Variants in SPNS2 observed in about 807,000 individuals in gnomAD.
The protein encoded by SPNS2 is SPNS lysolipid transporter 2, sphingosine-1-phosphate.
Under a neutral mutation model 57.6 loss-of-function variants are expected in SPNS2, and 37 were observed. That is an observed-to-expected ratio of 0.64 (90% CI 0.49 to 0.85). The LOEUF (loss-of-function observed/expected upper bound fraction) is 0.85, where lower values mean the gene tolerates loss of function less well. Ranked by LOEUF, SPNS2 falls within the 40% of genes least tolerant of loss-of-function variation. The pLI is 0.00. For missense variants in SPNS2, 831 were observed against 779.1 expected, an observed-to-expected ratio of 1.07 and a Z score of -0.79; for synonymous variants, 440 against 346.9, an observed-to-expected ratio of 1.27 and a Z score of -2.98.
chr17:4,500,136 G>A (rs1419796420), intron 1 of SPNS2, among the ~76,000 whole-genome samples: 1 of 152,212 alleles, frequency 6.6e-6, no homozygotes, highest in African/African-American at 2.4e-5. Context: ...GGCCTCTGGA[G>A]CTAGAGACGT....
intron 5 of SPNS2, among the ~76,000 whole-genome samples, chr17:4,532,057 A>G (rs892096177): frequency 6.6e-6 from 1 of 152,022 alleles, no homozygotes; most frequent in Non-Finnish European, 1.5e-5. Context: ...TCCTCCCTCA[A>G]AGTCATCATC....
chr17:4,513,061 A>G (rs1375498841), intron 1 of SPNS2, among the ~76,000 whole-genome samples, 186 bp from the exon 2 acceptor site: 1 of 152,184 alleles, frequency 6.6e-6, no homozygotes, highest in Non-Finnish European at 1.5e-5. Context: ...CAGGCTGAGG[A>G]CAGGAGGTCC....
intron 12 of SPNS2, 114 bp downstream of exon 12, chr17:4,537,060 C>A: frequency 8.9e-7 from 1 of 1,127,988 alleles, no homozygotes; most frequent in Non-Finnish European, 1.3e-6. Flanking sequence ...CACATCCCAC[C>A]AACTCTGGGC....
intron 2 of SPNS2, among the ~76,000 whole-genome samples, chr17:4,517,740 T>C (rs1333176457): frequency 1.3e-5 from 2 of 152,210 alleles, no homozygotes; most frequent in African/African-American, 4.8e-5. Context: ...GAAAACAGAT[T>C]CGTCACAAAG....
In SPNS2 at chr17:4,532,997, C is replaced by T; in HGVS notation, c.956C>T (p.Ser319Phe). The T allele has an allele frequency of 6.2e-7, 1 of 1,612,962 alleles. No individual in the cohort carries two copies. Among genetic ancestry groups the T allele is most frequent in the Non-Finnish European group, 8.5e-7 (1 of 1,179,778 alleles). ...LIRNRSYVFS[S>F]LATSAVSFAT... ...CCCAGCCGCAGCTACGTCTTCTCCT[C>T]CCTGGCCACGTCGGCTGTCTCCTTC... Residue 319 changes from serine to phenylalanine, a missense_variant, in exon 7 of 13, where the codon TCC becomes TTC. Ser to Phe is a radical substitution (Grantham distance 155). This residue lies in a region of SPNS2 where 526 missense variants were observed against 400.9 expected (regional missense o/e 1.31). Coordinates refer to ENST00000329078, the MANE Select transcript of SPNS2 (RefSeq NM_001124758.3).
intron 2 of SPNS2, among the ~76,000 whole-genome samples, chr17:4,521,975 G>A (rs1303518591): frequency 1.3e-5 from 2 of 152,122 alleles, no homozygotes; most frequent in Non-Finnish European, 2.9e-5. Flanking sequence ...GAGGCAGGAG[G>A]ATCACCTGAG....
At position 4,536,260 on chromosome 17, in the gene SPNS2, C is replaced by T. The variant is rs370041053; in HGVS notation, c.1444-3C>T. 3 of 1,611,290 alleles carry T rather than the reference C, an allele frequency of 1.9e-6. No individual in the cohort carries two copies. Among genetic ancestry groups the T allele is most frequent in the African/African-American group, 1.3e-5 (1 of 74,864 alleles). On this transcript the variant is annotated splice_region_variant and splice_polypyrimidine_tract_variant and intron_variant, in intron 10 of 12. Coordinates refer to ENST00000329078, the MANE Select transcript of SPNS2 (RefSeq NM_001124758.3). ...CCTGACATCCACCCCCAAATCCTCG[C>T]AGATCTCAGACCTGATCCGCCAGAG...
At chr17:4,502,663 T>C (rs1904553878) in intron 1 of SPNS2, among the ~76,000 whole-genome samples, 1 of 152,140 alleles carries the variant, frequency 6.6e-6, no homozygotes, top group East Asian at 1.9e-4. Context: ...CCTCCCGGGT[T>C]GCGTGGGATA....
intron 3 of SPNS2, among the ~76,000 whole-genome samples, chr17:4,529,967 TG>T (rs1905392715): frequency 6.6e-6 from 1 of 151,830 alleles, no homozygotes; most frequent in South Asian, 2.1e-4. Flanking sequence ...AGGGTGGGGC[TG>T]GGGAAAGATG....
rs984028371 is a variant in SPNS2, at chr17:4,499,611, C to T, written c.370+194C>T. The T allele has an allele frequency of 7.3e-6, 3 of 412,208 alleles. No individual in the cohort carries two copies. Among genetic ancestry groups the T allele is most frequent in the South Asian group, 1.6e-4 (2 of 12,498 alleles). The allele number at this position is 412,208 out of a possible 1,614,324, so 25.5% of individuals were successfully genotyped here. On this transcript the variant is annotated intron_variant, in intron 1 of 12. Coordinates refer to ENST00000329078, the MANE Select transcript of SPNS2 (RefSeq NM_001124758.3). This position sits in a 1 kb window ranked among gnomAD's most constrained non-coding sequence, Gnocchi z 5.2. ...CGTGCACCACGGGTACAATCCAGCT[C>T]CCCGCTCATACACACCCGGGGCCAA...
At chr17:4,528,997 C>T (rs1031779682) in intron 3 of SPNS2, among the ~76,000 whole-genome samples, 3 of 151,248 alleles carry the variant, frequency 2.0e-5, no homozygotes, top group Middle Eastern at 3.2e-3. Flanking sequence ...AGTGCAGTGG[C>T]GCAATCTTGG....
intron 1 of SPNS2, among the ~76,000 whole-genome samples, chr17:4,506,274 G>T (rs528235740): frequency 1.3e-5 from 2 of 152,192 alleles, no homozygotes; most frequent in East Asian, 1.9e-4. Flanking sequence ...CTGAGGGTTT[G>T]TGGGCTTGAG....
chr17:4,520,512 T>C (rs949440187), intron 2 of SPNS2, among the ~76,000 whole-genome samples: 2 of 152,036 alleles, frequency 1.3e-5, no homozygotes, highest in East Asian at 3.9e-4. Context: ...GAGAGCGCGC[T>C]GTGGTTCTCT....
chr17:4,499,263 C>T lies in SPNS2; in HGVS notation c.216C>T (p.Pro72=), dbSNP rs568443260. The change falls in exon 1 of 13, where the codon CCC becomes CCT. Residue 72 remains proline (P), a synonymous_variant. Transcript: ENST00000329078. The surrounding 1 kb of genome is among the most constrained non-coding windows in gnomAD (Gnocchi z 5.2). The stretch of plus-strand genomic sequence containing the variant: ...TAAGGCGGGCCCCGACCGGACCCCC[C>T]GGCACCCCCGGCACCCCCGGCTGCG... The part of the protein sequence containing the change: ...GSVRRAPTGP[P]GTPGTPGCAA... 1.0e-3 allele frequency: 1,492 copies of T among 1,474,560 alleles called. 13 individuals carry two copies. In the African/African-American group the frequency reaches 0.018, roughly 18 times the overall value. The allele number at this position is 1,474,560 out of a possible 1,614,324, so 91.3% of individuals were successfully genotyped here. A position where few individuals can be genotyped will look rare whatever the true frequency, so the allele number is the denominator to read the frequency against.
At chr17:4,522,751 G>T (rs1905170225) in intron 2 of SPNS2, among the ~76,000 whole-genome samples, 1 of 152,236 alleles carries the variant, frequency 6.6e-6, no homozygotes, top group Non-Finnish European at 1.5e-5. Flanking sequence ...CTGCTTTCCA[G>T]GGGGAGGGAT....
chr17:4,535,935 G>A lies in SPNS2; in HGVS notation c.1345-141G>A, dbSNP rs568842097. ...AGGGGACTGTGGGGAGGAGGGCAGGGCCCAGGGGAGAGAGGTGTCAAGACG... is the reference window on the plus strand; with the variant it reads ...AGGGGACTGTGGGGAGGAGGGCAGGACCCAGGGGAGAGAGGTGTCAAGACG... On this transcript the variant is annotated intron_variant, in intron 9 of 12. Coordinates refer to ENST00000329078, the MANE Select transcript of SPNS2 (RefSeq NM_001124758.3). 9.0e-6 allele frequency: 6 copies of A among 668,702 alleles called. No individual in the cohort carries two copies. In the South Asian group the frequency reaches 9.4e-5, roughly 10 times the overall value. The allele number at this position is 668,702 out of a possible 1,614,324, so 41.4% of individuals were successfully genotyped here.
rs75836524 is a variant in SPNS2 at position 4,502,775 on chromosome 17, C to T, written c.370+3358C>T. ...TTCATGCCTCTGCTCAAGCTGGCCACGATGCCTTTCCTGGGATTTTTGTTG... is the reference window on the plus strand; with the variant it reads ...TTCATGCCTCTGCTCAAGCTGGCCATGATGCCTTTCCTGGGATTTTTGTTG... On this transcript the variant is annotated intron_variant, in intron 1 of 12. Transcript: ENST00000329078. Among the ~76,000 whole-genome samples, 56 of 152,288 alleles carry T rather than the reference C, an allele frequency of 3.7e-4. 1 individual carries two copies. The East Asian group carries it at 9.8e-3, about 27-fold the overall frequency.
chr17:4,532,946 A>G (rs771563603), intron 6 of SPNS2, 31 bp from the exon 7 acceptor site: 4 of 1,594,566 alleles, frequency 2.5e-6, no homozygotes, highest in Non-Finnish European at 3.4e-6. Flanking sequence ...GAGGTCCCTG[A>G]GCTCAGTGTC....
Position 4,537,772 on chromosome 17 carries a change from G to A in SPNS2, c.*324G>A, listed in dbSNP as rs1013071086. The stretch of plus-strand genomic sequence containing the variant: ...AGAGCCTGGCCTGCCACCAGCTTAT[G>A]TGATCTTGGGCAAGTCCCTGCCCTC... On this transcript the variant is annotated 3_prime_UTR_variant, in exon 13 of 13. Coordinates refer to ENST00000329078, the MANE Select transcript of SPNS2 (RefSeq NM_001124758.3). 8 of 456,142 alleles carry A rather than the reference G, an allele frequency of 1.8e-5. No homozygotes were observed. The highest frequency in any genetic ancestry group is 1.0e-4 in the African/African-American group (5 of 50,090). The allele number at this position is 456,142 out of a possible 1,614,324, so 28.3% of individuals were successfully genotyped here.
Sources: gnomAD v4.1 joint callset for allele counts (sites outside exome capture counted in the v4.1 genomes callset) on GRCh38, gnomAD v4.1.1 for gene constraint, gnomAD v4.1.1 regional missense constraint, Gnocchi (gnomAD v3.1) non-coding constraint, MANE v1.5 for transcripts, NCBI Gene and HGNC (gene_info 2026-07-23, HGNC 2026-07-21) for gene names.